PRDM5: variants seen among roughly 807,000 people sequenced by gnomAD.
PRDM5 encodes PR domain zinc finger protein 5.
Under a neutral mutation model 81.2 loss-of-function variants are expected in PRDM5, and 56 were observed. The ratio of observed to expected loss-of-function variants is 0.69; its 90% CI spans 0.56 to 0.86. The LOEUF (loss-of-function observed/expected upper bound fraction) is 0.86. Among genes scored for constraint, PRDM5 ranks in the 40% least tolerant of loss-of-function variants. The pLI is 0.00. For synonymous variants in PRDM5, 267 were observed against 256.4 expected, an observed-to-expected ratio of 1.04 and a Z score of -0.39; for missense variants, 697 against 770.1, an observed-to-expected ratio of 0.91 and a Z score of 1.12.
chr4:120,818,172 T>C, intron 5 of PRDM5, 181 bp downstream of exon 5: 1 of 612,768 alleles, frequency 1.6e-6, no homozygotes, highest in South Asian at 2.1e-5. Context: ...CAACATACTA[T>C]ACTAAGAAAA....
chr4:120,704,404 C>T (rs1170345277), intron 15 of PRDM5, among the ~76,000 whole-genome samples: 1 of 152,154 alleles, frequency 6.6e-6, no homozygotes, highest in Admixed American at 6.6e-5. Context: ...CCTTTTCTTT[C>T]CATCTGTGAT....
intron 8 of PRDM5, among the ~76,000 whole-genome samples, chr4:120,803,875 G>A (rs4833679): frequency 0.25 from 38,767 of 152,070 alleles, 5,656 homozygotes; most frequent in East Asian, 0.35. Flanking sequence ...AATGTAAATG[G>A]GCTAAATGCT....
chr4:120,917,272 G>C (rs77163413), intron 1 of PRDM5, among the ~76,000 whole-genome samples: 10,290 of 152,072 alleles, frequency 0.068, 395 homozygotes, highest in East Asian at 0.15. Context: ...TCTTCCCGTA[G>C]ATATATGTTT....
intron 3 of PRDM5, among the ~76,000 whole-genome samples, 181 bp downstream of exon 3, chr4:120,853,237 A>G (rs1759490884): frequency 6.6e-6 from 1 of 152,190 alleles, no homozygotes; most frequent in Non-Finnish European, 1.5e-5. Context: ...CCCTGGTGTT[A>G]GTTTACAGCT....
intron 14 of PRDM5, among the ~76,000 whole-genome samples, chr4:120,720,629 G>A (rs896534992): frequency 6.6e-6 from 1 of 152,124 alleles, no homozygotes; most frequent in Admixed American, 6.6e-5. Flanking sequence ...AATGCATTGA[G>A]TTTCCCTCTA....
chr4:120,818,204 ATG>A (rs1232192277), intron 5 of PRDM5, 147 bp downstream of exon 5: 2 of 740,564 alleles, frequency 2.7e-6, no homozygotes, highest in African/African-American at 3.5e-5. Flanking sequence ...GACAATACCA[ATG>A]TAAAATGCTT....
intron 2 of PRDM5, among the ~76,000 whole-genome samples, chr4:120,857,411 G>A (rs1055577346): frequency 6.6e-6 from 1 of 152,090 alleles, no homozygotes; most frequent in Non-Finnish European, 1.5e-5. Flanking sequence ...TTGTGAAAAT[G>A]AAAACTTTTA....
chr4:120,762,994 A>G (rs972438061), intron 13 of PRDM5, among the ~76,000 whole-genome samples: 2 of 152,194 alleles, frequency 1.3e-5, no homozygotes, highest in Non-Finnish European at 2.9e-5. Flanking sequence ...GTAAAAATCA[A>G]ATAAGAGAAC....
chr4:120,696,075 T>C (rs912025097), intron 15 of PRDM5, among the ~76,000 whole-genome samples: 1 of 151,888 alleles, frequency 6.6e-6, no homozygotes, highest in African/African-American at 2.4e-5. Flanking sequence ...AAAAAATCCT[T>C]GCCCTCTTTC....
chr4:120,747,325 C>A, intron 14 of PRDM5, among the ~76,000 whole-genome samples: 1 of 148,780 alleles, frequency 6.7e-6, no homozygotes. Context: ...GGGAGATATA[C>A]CTAATGCTAG....
At chr4:120,738,976 C>T (rs1668616072) in intron 14 of PRDM5, among the ~76,000 whole-genome samples, 2 of 152,086 alleles carry the variant, frequency 1.3e-5, no homozygotes, top group South Asian at 4.1e-4. Context: ...CAACAGTTTT[C>T]ACTTGGAGTC....
chr4:120,897,452 C>T (rs1007025620), intron 2 of PRDM5, among the ~76,000 whole-genome samples: 10 of 152,232 alleles, frequency 6.6e-5, no homozygotes, highest in African/African-American at 2.4e-4. Flanking sequence ...CGTCTTTCTA[C>T]TGACACTGTT....
intron 3 of PRDM5, among the ~76,000 whole-genome samples, chr4:120,842,279 G>A (rs904466678): frequency 3.9e-5 from 6 of 152,192 alleles, no homozygotes; most frequent in Non-Finnish European, 7.3e-5. Flanking sequence ...GAGTAAAAAT[G>A]TGACACTTTG....
chr4:120,751,637 T>C (rs193110061), intron 14 of PRDM5, among the ~76,000 whole-genome samples: 1 of 152,274 alleles, frequency 6.6e-6, no homozygotes, highest in Admixed American at 6.5e-5. Context: ...GAGAATATAC[T>C]GAAGGAAATA....
chr4:120,911,137 G>C (rs1766457814), intron 1 of PRDM5, among the ~76,000 whole-genome samples: 1 of 152,192 alleles, frequency 6.6e-6, no homozygotes, highest in African/African-American at 2.4e-5. Context: ...ATATTTTAGA[G>C]AGTAGCCAGG....
intron 3 of PRDM5, among the ~76,000 whole-genome samples, chr4:120,835,009 T>C (rs562088643): frequency 7.2e-5 from 11 of 152,236 alleles, no homozygotes; most frequent in African/African-American, 2.4e-4. Flanking sequence ...TGTCAACAAT[T>C]TTTAATTCTA....
intron 8 of PRDM5, among the ~76,000 whole-genome samples, chr4:120,806,244 A>G (rs1752904207): frequency 6.6e-6 from 1 of 152,228 alleles, no homozygotes; most frequent in Non-Finnish European, 1.5e-5. Flanking sequence ...GGATAGGAAG[A>G]ATCAATATTG....
chr4:120,710,815 T>C (rs1157349646), intron 14 of PRDM5, among the ~76,000 whole-genome samples: 2 of 152,208 alleles, frequency 1.3e-5, no homozygotes, highest in African/African-American at 4.8e-5. Context: ...TCCCCAGCCA[T>C]GCAGAACTGT....
At chr4:120,827,721 C>T (rs2597536) in intron 3 of PRDM5, among the ~76,000 whole-genome samples, 38,489 of 151,884 alleles carry the variant, frequency 0.25, 5,629 homozygotes, top group East Asian at 0.35. Context: ...CCGTGGGTAA[C>T]AGAATCCCAG....
Sources: gnomAD v4.1 joint callset for allele counts (sites outside exome capture counted in the v4.1 genomes callset) on GRCh38, gnomAD v4.1.1 for gene constraint, MANE v1.5 for transcripts, NCBI Gene and HGNC (gene_info 2026-07-23, HGNC 2026-07-21) for gene names.